Variants in PARD3B observed in about 807,000 individuals in gnomAD.
PARD3B encodes par-3 family cell polarity regulator beta.
In PARD3B, 103 loss-of-function variants were observed where a neutral mutation model predicts 130.2. The ratio of observed to expected loss-of-function variants is 0.79; its 90% CI spans 0.67 to 0.93. The LOEUF (loss-of-function observed/expected upper bound fraction) is 0.93. Among genes scored for constraint, PARD3B ranks in the 40% least tolerant of loss-of-function variants. The pLI is 0.00. For missense variants in PARD3B, 1,609 were observed against 1,499.2 expected (o/e 1.07, Z -1.21); for synonymous variants, 583 against 553.2 (o/e 1.05, Z -0.76).
At chr2:204,805,390 A>G (rs886107560) in intron 2 of PARD3B, among the ~76,000 whole-genome samples, 14 of 152,158 alleles carry the variant, frequency 9.2e-5, no homozygotes, top group African/African-American at 3.4e-4. Flanking sequence ...GAACAGACCA[A>G]TAACAACTAA....
chr2:205,406,819 C>T (rs1007571031), intron 19 of PARD3B, among the ~76,000 whole-genome samples: 28 of 151,780 alleles, frequency 1.8e-4, no homozygotes, highest in African/African-American at 6.0e-4. Flanking sequence ...TACAGGCACG[C>T]GCCACCATGC....
In PARD3B at chr2:204,622,562, TATTA is replaced by T. The variant is rs56665350; in HGVS notation, c.121-63615_121-63612del. On this transcript the variant is annotated intron_variant, in intron 1 of 22. Transcript: ENST00000406610. ...TAATCATTGGAGTATTAGACTATAA[TATTA>T]ATTCATTTTATAATCTTTATTTATA... Among the ~76,000 whole-genome samples the T allele has an allele frequency of 2.5e-3, 373 of 152,084 alleles. 1 individual carries two copies. The highest frequency in any genetic ancestry group is 6.8e-3 in the Middle Eastern group (2 of 294).
rs1193102346 is a variant in PARD3B at position 205,380,880 on chromosome 2, TTATAATATATAAAGAATATA to T, written c.2631-20080_2631-20061del. Among the ~76,000 whole-genome samples the T allele has an allele frequency of 1.0e-3, 13 of 12,832 alleles. 1 individual carries two copies. The South Asian group carries it at 0.013, about 13-fold the overall frequency. 8.4% of individuals were successfully genotyped at this position (12,832 alleles called of 152,430 possible). Reference sequence around the variant, plus strand: ...CATTATATATAATATAAAGAATACATTATAATATATAAAGAATATATATAATATATAAAGAATATATATAA... The same window carrying T: ...CATTATATATAATATAAAGAATACATTATAATATATAAAGAATATATATAA... On this transcript the variant is annotated intron_variant, in intron 18 of 22. Coordinates refer to ENST00000406610, the MANE Select transcript of PARD3B (RefSeq NM_001302769.2).
At chr2:204,718,177 T>C (rs1190276909) in intron 2 of PARD3B, among the ~76,000 whole-genome samples, 1 of 152,114 alleles carries the variant, frequency 6.6e-6, no homozygotes, top group South Asian at 2.1e-4. Context: ...TCTATTTCTT[T>C]GGTCGTGGGG....
intron 22 of PARD3B, among the ~76,000 whole-genome samples, chr2:205,609,780 C>T (rs887799341): frequency 6.6e-6 from 1 of 152,170 alleles, no homozygotes; most frequent in African/African-American, 2.4e-5. Flanking sequence ...TCAAAACAAA[C>T]TATCTTCTAG....
intron 22 of PARD3B, among the ~76,000 whole-genome samples, chr2:205,583,872 C>A (rs1002909968): frequency 5.9e-5 from 9 of 152,176 alleles, no homozygotes; most frequent in African/African-American, 2.2e-4. Context: ...CTAACTCTGT[C>A]TACACAACCT....
intron 18 of PARD3B, among the ~76,000 whole-genome samples, chr2:205,313,314 C>A (rs2105940167): frequency 6.6e-6 from 1 of 152,264 alleles, no homozygotes; most frequent in East Asian, 1.9e-4. Context: ...CGCTTAATAT[C>A]TGAGTTTAAT....
chr2:204,804,464 A>C (rs530629477), intron 2 of PARD3B, among the ~76,000 whole-genome samples: 78 of 152,304 alleles, frequency 5.1e-4, no homozygotes, highest in Admixed American at 1.2e-3. Flanking sequence ...GTAAATATAC[A>C]TGCACCCAAC....
chr2:205,137,026 T>TAAAG (rs2032543847), intron 10 of PARD3B, among the ~76,000 whole-genome samples: 4 of 152,186 alleles, frequency 2.6e-5, no homozygotes, highest in Admixed American at 2.6e-4. Context: ...CTCCAGGAGT[T>TAAAG]CATAGATAAT....
intron 18 of PARD3B, among the ~76,000 whole-genome samples, chr2:205,344,088 A>G (rs186461275): frequency 2.9e-4 from 44 of 152,130 alleles, no homozygotes; most frequent in Non-Finnish European, 4.3e-4. Context: ...CAGCGGATAC[A>G]TGGTGTTTGA....
intron 2 of PARD3B, among the ~76,000 whole-genome samples, chr2:204,956,054 G>GTTAA (rs1476593060): frequency 5.3e-5 from 8 of 152,184 alleles, no homozygotes; most frequent in Non-Finnish European, 1.2e-4. Context: ...TAAATGTCAG[G>GTTAA]AGGCCAGATT....
chr2:205,176,404 A>G lies in PARD3B; in HGVS notation c.1792-41A>G. ...TTGCTTCAACTGACCAAGTTGGAAC[A>G]TATTAAAAATGCAAATGTAATTTTT... is the stretch of plus-strand genomic sequence containing the variant. On this transcript the variant is annotated intron_variant, in intron 12 of 22. Transcript: ENST00000406610. The surrounding 1 kb of genome is among the most constrained non-coding windows in gnomAD (Gnocchi z 5.3). 7 of 1,556,272 alleles carry G rather than the reference A, an allele frequency of 4.5e-6. No homozygotes were observed. Among genetic ancestry groups the G allele is most frequent in the South Asian group, 3.6e-5 (3 of 82,884 alleles).
At chr2:205,361,474 C>T (rs911105781) in intron 18 of PARD3B, among the ~76,000 whole-genome samples, 2 of 152,162 alleles carry the variant, frequency 1.3e-5, no homozygotes, top group African/African-American at 4.8e-5. Context: ...TCTAACCCCA[C>T]CCTTTTATAG....
At chr2:205,384,189 T>C (rs2045580826) in intron 18 of PARD3B, among the ~76,000 whole-genome samples, 1 of 152,088 alleles carries the variant, frequency 6.6e-6, no homozygotes. Flanking sequence ...AATCTTCACA[T>C]AATCTGCAAG....
At chr2:204,881,485 C>CT (rs888360018) in intron 2 of PARD3B, among the ~76,000 whole-genome samples, 47 of 145,302 alleles carry the variant, frequency 3.2e-4, no homozygotes, top group South Asian at 6.6e-4. Flanking sequence ...GAGAGTTAAG[C>CT]TTTTTTTTTT....
chr2:204,818,139 A>G (rs1320080310), intron 2 of PARD3B, among the ~76,000 whole-genome samples: 1 of 152,222 alleles, frequency 6.6e-6, no homozygotes, highest in Non-Finnish European at 1.5e-5. Context: ...AGCATTCAGC[A>G]GATTCTTGGA....
At chr2:205,299,326 T>A in intron 16 of PARD3B, among the ~76,000 whole-genome samples, 1 of 152,154 alleles carries the variant, frequency 6.6e-6, no homozygotes, top group East Asian at 1.9e-4. Flanking sequence ...CCTTGCTAGG[T>A]GCTAGACATT....
chr2:204,791,283 T>C (rs1455259718), intron 2 of PARD3B, among the ~76,000 whole-genome samples: 1 of 152,236 alleles, frequency 6.6e-6, no homozygotes, highest in African/African-American at 2.4e-5. Context: ...ACTTTTGATC[T>C]ACATTTAGGT....
intron 3 of PARD3B, among the ~76,000 whole-genome samples, chr2:205,036,577 AAT>A (rs1011810489): frequency 6.7e-6 from 1 of 149,706 alleles, no homozygotes; most frequent in African/African-American, 2.4e-5. Context: ...ATGTACAAAA[AAT>A]ATATATACAC....
Sources: allele counts gnomAD v4.1 joint callset (sites outside exome capture counted in the v4.1 genomes callset), GRCh38; gene constraint gnomAD v4.1.1; non-coding constraint Gnocchi (gnomAD v3.1); transcripts MANE v1.5; gene names NCBI Gene and HGNC (gene_info 2026-07-23, HGNC 2026-07-21).